Variants in RABGGTB observed in about 807,000 individuals in gnomAD.
The protein encoded by RABGGTB is Rab geranylgeranyltransferase subunit beta.
Under a neutral mutation model 44.5 loss-of-function variants are expected in RABGGTB, and 20 were observed. That is an observed-to-expected ratio of 0.45 (90% CI 0.32 to 0.65). RABGGTB has a LOEUF of 0.65. Among genes scored for constraint, RABGGTB ranks in the 30% least tolerant of loss-of-function variants. The pLI is 0.05. For synonymous variants in RABGGTB, 128 were observed against 136.7 expected, an observed-to-expected ratio of 0.94 and a Z score of 0.44; for missense variants, 302 against 398.7, an observed-to-expected ratio of 0.76 and a Z score of 2.06.
At position 75,790,024 on chromosome 1, in the gene RABGGTB, A is replaced by G; in HGVS notation, c.382A>G (p.Lys128Glu). The G allele has an allele frequency of 6.2e-7, 1 of 1,613,276 alleles. No homozygotes were observed. Among genetic ancestry groups the G allele is most frequent in the East Asian group, 2.2e-5 (1 of 44,850 alleles). ...KVVEYVKGLQ[K>E]EDGSFAGDIW... Reference sequence around the variant, plus strand: ...TGTGGAATATGTTAAAGGTCTACAGAAAGAAGATGGTTCTTTTGCTGGAGA... The same window carrying G: ...TGTGGAATATGTTAAAGGTCTACAGGAAGAAGATGGTTCTTTTGCTGGAGA... The change falls in exon 4 of 9, where the codon AAA (lysine) becomes GAA (glutamate). Residue 128 changes from lysine (K) to glutamate (E), a missense_variant. Coordinates refer to ENST00000319942, the MANE Select transcript of RABGGTB (RefSeq NM_004582.4).
intron 2 of RABGGTB, chr1:75,788,649 T>C: frequency 6.4e-6 from 1 of 156,762 alleles, no homozygotes; most frequent in Admixed American, 6.1e-5. Context: ...TCTGGAATCC[T>C]AATACTAATT....
At chr1:75,791,077 A>G (rs968018119) in intron 4 of RABGGTB, among the ~76,000 whole-genome samples, 2 of 152,214 alleles carry the variant, frequency 1.3e-5, no homozygotes, top group African/African-American at 2.4e-5. Context: ...GGCAAGAGCT[A>G]CTGTGCCTGG....
At chr1:75,792,430 AT>A in intron 7 of RABGGTB, 124 bp downstream of exon 7, 1 of 1,318,640 alleles carries the variant, frequency 7.6e-7, no homozygotes. Context: ...CCTGTTGTGA[AT>A]TTTCAGTAAT....
chr1:75,791,651 G>A (rs1649650008), intron 6 of RABGGTB, 80 bp downstream of exon 6: 2 of 1,241,098 alleles, frequency 1.6e-6, no homozygotes, highest in South Asian at 2.7e-5. Context: ...TTATTTCAGT[G>A]TTTGTCAAAT....
chr1:75,787,654 A>G (rs764502836), intron 2 of RABGGTB, 50 bp downstream of exon 2: 1 of 1,389,270 alleles, frequency 7.2e-7, no homozygotes, highest in South Asian at 1.2e-5. Context: ...GAAGTGTGAC[A>G]GTCATAAGCA....
At chr1:75,791,721 T>C (rs1429196960) in intron 6 of RABGGTB, 150 bp downstream of exon 6, 6 of 680,076 alleles carry the variant, frequency 8.8e-6, no homozygotes, top group Non-Finnish European at 9.8e-6. Context: ...TTAATTGCTA[T>C]CATTACTTTG....
intron 4 of RABGGTB, chr1:75,790,355 TAA>T (rs67126568): frequency 0.58 from 673,077 of 1,157,178 alleles, 196,048 homozygotes; most frequent in African/African-American, 0.71. Context: ...GAAAAATATT[TAA>T]AAAAAAAAAC....
chr1:75,787,084 G>C (rs1367604292), intron 1 of RABGGTB: 1 of 524,090 alleles, frequency 1.9e-6, no homozygotes, highest in Admixed American at 1.9e-5. Flanking sequence ...TCAATGATGA[G>C]TTGGCATGTA....
chr1:75,794,339 G>T (rs1649718349), intron 8 of RABGGTB, 106 bp downstream of exon 8: 2 of 1,366,426 alleles, frequency 1.5e-6, no homozygotes, highest in South Asian at 3.0e-5. Context: ...TTTGAAAGCA[G>T]TTTTTTTTTC....
At chr1:75,786,396 C>A in intron 1 of RABGGTB, 122 bp downstream of exon 1, 1 of 1,386,252 alleles carries the variant, frequency 7.2e-7, no homozygotes. Context: ...AGGACACAGG[C>A]CTTGGAAGGT....
Position 75,791,579 on chromosome 1 carries a change from A to G in RABGGTB, c.579+8A>G. 6.3e-7 allele frequency: 1 copy of G among 1,575,892 alleles called. No homozygotes were observed. Among genetic ancestry groups the G allele is most frequent in the Non-Finnish European group, 8.6e-7 (1 of 1,156,204 alleles). ...GAATCCCATGCTGGGCAGGTAATTTATGAATACAGATGAAAATGTATTGTC... is the reference window on the plus strand; with the variant it reads ...GAATCCCATGCTGGGCAGGTAATTTGTGAATACAGATGAAAATGTATTGTC... On this transcript the variant is annotated splice_region_variant and intron_variant, in intron 6 of 8. Coordinates refer to ENST00000319942, the MANE Select transcript of RABGGTB (RefSeq NM_004582.4).
At chr1:75,787,001 A>G (rs1649505898) in intron 1 of RABGGTB, 3 of 484,060 alleles carry the variant, frequency 6.2e-6, no homozygotes, top group Non-Finnish European at 1.2e-5. Flanking sequence ...TTGATATTCT[A>G]TGGTGTTTAT....
intron 3 of RABGGTB, 155 bp downstream of exon 3, chr1:75,789,511 TA>T (rs112787135): frequency 0.033 from 28,000 of 851,378 alleles, 932 homozygotes; most frequent in African/African-American, 0.14. Context: ...TAGCTGAATC[TA>T]AAGTTGATGT....
At chr1:75,788,088 A>G (rs1322634253) in intron 2 of RABGGTB, 1 of 354,300 alleles carries the variant, frequency 2.8e-6, no homozygotes, top group African/African-American at 2.1e-5. Flanking sequence ...ATCCAAACTC[A>G]GTTGTCTTAG....
chr1:75,791,594 A>G, intron 6 of RABGGTB, 23 bp downstream of exon 6: 1 of 1,550,976 alleles, frequency 6.4e-7, no homozygotes, highest in Non-Finnish European at 8.8e-7. Flanking sequence ...TACAGATGAA[A>G]ATGTATTGTC....
intron 8 of RABGGTB, 95 bp from the exon 9 acceptor site, chr1:75,794,415 A>G: frequency 7.3e-7 from 1 of 1,374,538 alleles, no homozygotes; most frequent in East Asian, 2.3e-5. Context: ...GCTTGTTGCT[A>G]ACAAAATTAG....
chr1:75,792,921 C>T (rs1553129827), intron 7 of RABGGTB, among the ~76,000 whole-genome samples: 1 of 152,100 alleles, frequency 6.6e-6, no homozygotes, highest in Non-Finnish European at 1.5e-5. Context: ...CTCCGCCTCC[C>T]AGGTTCAAGC....
At position 75,788,763 on chromosome 1, in the gene RABGGTB, A is replaced by G. The variant is rs189053236; in HGVS notation, c.112-396A>G. 1.4e-3 allele frequency: 241 copies of G among 172,732 alleles called. 1 individual carries two copies. Among genetic ancestry groups the G allele is most frequent in the South Asian group, 0.013 (89 of 6,936 alleles). 10.7% of individuals were successfully genotyped at this position (172,732 alleles called of 1,614,324 possible). On this transcript the variant is annotated intron_variant, in intron 2 of 8. Transcript: ENST00000319942. ...GTAGTTATATAATTTACTAATAGAT[A>G]ATAGGTTTTGTACAGAGTCCACATT...
chr1:75,789,524 A>G (rs1271184687), intron 3 of RABGGTB, 168 bp downstream of exon 3: 2 of 819,074 alleles, frequency 2.4e-6, no homozygotes, highest in Non-Finnish European at 4.3e-6. Context: ...AGTTGATGTG[A>G]GTTCTAAAAT....
Sources: allele counts gnomAD v4.1 joint callset (sites outside exome capture counted in the v4.1 genomes callset), GRCh38; gene constraint gnomAD v4.1.1; transcripts MANE v1.5; gene names NCBI Gene and HGNC (gene_info 2026-07-23, HGNC 2026-07-21).